Variants in SLC10A6 observed in about 807,000 individuals in gnomAD.
SLC10A6 encodes sodium-dependent organic anion transporter.
In SLC10A6, 27 loss-of-function variants were observed where a neutral mutation model predicts 30.0. That is an observed-to-expected ratio of 0.90 (90% confidence interval 0.66 to 1.24). The LOEUF is 1.24. SLC10A6 is among the 50% of genes most tolerant of loss of function. SLC10A6 has a pLI of 0.00. For synonymous variants in SLC10A6, 166 were observed against 173.8 expected, an observed-to-expected ratio of 0.95 and a Z score of 0.36; for missense variants, 439 against 457.0, an observed-to-expected ratio of 0.96 and a Z score of 0.36.
chr4:86,842,294 C>T (rs553816527), intron 1 of SLC10A6, among the ~76,000 whole-genome samples: 2 of 152,318 alleles, frequency 1.3e-5, no homozygotes, highest in African/African-American at 4.8e-5. Flanking sequence ...TCCACAGGCT[C>T]CAACACCACC....
At chr4:86,835,167 T>C (rs1470060520) in intron 1 of SLC10A6, among the ~76,000 whole-genome samples, 1 of 152,148 alleles carries the variant, frequency 6.6e-6, no homozygotes, top group Non-Finnish European at 1.5e-5. Flanking sequence ...AATAAATATC[T>C]GTCAGGAAGA....
intron 1 of SLC10A6, among the ~76,000 whole-genome samples, chr4:86,837,335 A>AGGCAGGC (rs1560460500): frequency 9.8e-5 from 11 of 112,134 alleles, no homozygotes; most frequent in African/African-American, 6.1e-4. Flanking sequence ...GGAAGGAAGG[A>AGGCAGGC]AGGAAGGAAG....
At chr4:86,832,359 C>G (rs1746093562) in intron 2 of SLC10A6, among the ~76,000 whole-genome samples, 2 of 152,110 alleles carry the variant, frequency 1.3e-5, no homozygotes, top group Non-Finnish European at 2.9e-5. Context: ...AATCCTAGCA[C>G]TTTGGGAGGC....
intron 1 of SLC10A6, among the ~76,000 whole-genome samples, chr4:86,841,146 A>G (rs1261379018): frequency 1.3e-5 from 2 of 152,200 alleles, no homozygotes; most frequent in Admixed American, 6.5e-5. Flanking sequence ...CCAGCACAAC[A>G]TTTCTCTACT....
intron 2 of SLC10A6, 152 bp from the exon 3 acceptor site, chr4:86,832,032 T>C: frequency 7.6e-6 from 5 of 658,758 alleles, no homozygotes; most frequent in Non-Finnish European, 1.3e-5. Context: ...CAATATTGGC[T>C]CCAAAGTTAT....
At chr4:86,824,245 T>C (rs1178346612) in intron 5 of SLC10A6, among the ~76,000 whole-genome samples, 1 of 152,208 alleles carries the variant, frequency 6.6e-6, no homozygotes, top group African/African-American at 2.4e-5. Context: ...TAGGACACTC[T>C]CCTGGGTTCT....
At chr4:86,845,531 C>T (rs1003481479) in intron 1 of SLC10A6, among the ~76,000 whole-genome samples, 5 of 152,176 alleles carry the variant, frequency 3.3e-5, no homozygotes, top group African/African-American at 1.2e-4. Context: ...AGAGAAGAGG[C>T]CCAAGGTCAG....
chr4:86,848,680 A>G, intron 1 of SLC10A6, 59 bp downstream of exon 1: 1 of 1,502,380 alleles, frequency 6.7e-7, no homozygotes, highest in Middle Eastern at 1.8e-4. Flanking sequence ...CAAGAGTTTC[A>G]GTTATTCCCC....
chr4:86,848,382 G>A (rs978383517), intron 1 of SLC10A6, among the ~76,000 whole-genome samples: 1 of 152,094 alleles, frequency 6.6e-6, no homozygotes, highest in Non-Finnish European at 1.5e-5. Context: ...AACCACAATC[G>A]TTAGCTTCTT....
At position 86,825,404 on chromosome 4, in the gene SLC10A6, A is replaced by G. The variant is rs763384905; in HGVS notation, c.919+16T>C. On this transcript the variant is annotated intron_variant, in intron 5 of 5. Transcript: ENST00000273905. ...TTTCCCGTCAGTTATTTCCTACCCAATGGGTGTTCACCCACCTGCAACAAT... is the reference window on the plus strand; with the variant it reads ...TTTCCCGTCAGTTATTTCCTACCCAGTGGGTGTTCACCCACCTGCAACAAT... 6.3e-7 allele frequency: 1 copy of G among 1,577,064 alleles called. No individual in the cohort carries two copies.
intron 1 of SLC10A6, among the ~76,000 whole-genome samples, chr4:86,844,147 C>T (rs1448176529): frequency 6.6e-6 from 1 of 152,126 alleles, no homozygotes; most frequent in Non-Finnish European, 1.5e-5. Flanking sequence ...CACTGCACTC[C>T]AGCCTGGGTG....
intron 1 of SLC10A6, among the ~76,000 whole-genome samples, chr4:86,842,822 CTT>C (rs1273037035): frequency 3.2e-5 from 1 of 30,922 alleles, no homozygotes; most frequent in East Asian, 5.7e-4. Context: ...TTCTTTCTTT[CTT>C]TCTTTCTTTC....
chr4:86,847,605 G>A (rs1746415097), intron 1 of SLC10A6, among the ~76,000 whole-genome samples: 1 of 151,942 alleles, frequency 6.6e-6, no homozygotes, highest in South Asian at 2.1e-4. Context: ...CACTGCCTTG[G>A]GAAAGTTAGT....
At chr4:86,825,676 G>A in intron 4 of SLC10A6, 99 bp from the exon 5 acceptor site, 1 of 1,257,022 alleles carries the variant, frequency 8.0e-7, no homozygotes. Flanking sequence ...TATGACCTCA[G>A]GCCACTGAAA....
chr4:86,843,204 C>T (rs1746336039), intron 1 of SLC10A6, among the ~76,000 whole-genome samples: 1 of 151,994 alleles, frequency 6.6e-6, no homozygotes, highest in South Asian at 2.1e-4. Context: ...TTGTAATACA[C>T]ACAGGCAATC....
rs575112240 is a variant in SLC10A6 at position 86,844,285 on chromosome 4, C to T, written c.377+4454G>A. Reference sequence around the variant, plus strand: ...AGTCAGTAAGTGATGGGTCTGCTTGCTGTTTCCAGAGCCCTTAACTACTAC... The same window carrying T: ...AGTCAGTAAGTGATGGGTCTGCTTGTTGTTTCCAGAGCCCTTAACTACTAC... On this transcript the variant is annotated intron_variant, in intron 1 of 5. Transcript: ENST00000273905. Among the ~76,000 whole-genome samples the T allele has an allele frequency of 5.3e-5, 8 of 152,312 alleles. No individual in the cohort carries two copies. The East Asian group carries it at 1.5e-3, about 29-fold the overall frequency.
In SLC10A6 at chr4:86,832,976, T is replaced by C. The variant is rs186080893; in HGVS notation, c.496+330A>G. Among the ~76,000 whole-genome samples, 159 of 152,270 alleles carry C rather than the reference T, an allele frequency of 1.0e-3. 1 individual carries two copies. Among genetic ancestry groups the C allele is most frequent in the Middle Eastern group, 6.8e-3 (2 of 294 alleles). ...AATTACATAAGGGTTTGATTCCTGC[T>C]TTTTCAAAGTAAATTATCTGGCTTT... On this transcript the variant is annotated intron_variant, in intron 2 of 5. Coordinates refer to ENST00000273905, the MANE Select transcript of SLC10A6 (RefSeq NM_197965.3).
intron 2 of SLC10A6, 103 bp from the exon 3 acceptor site, chr4:86,831,983 A>G: frequency 1.1e-6 from 1 of 910,898 alleles, no homozygotes; most frequent in Non-Finnish European, 1.7e-6. Context: ...TTAAACTGAC[A>G]TTTTCCCATG....
rs372515801 is a variant in SLC10A6 at position 86,825,385 on chromosome 4, G to A, written c.919+35C>T. Reference sequence around the variant, plus strand: ...GGTAAGTTGGGGTGAACAATTTCCCGTCAGTTATTTCCTACCCAATGGGTG... The same window carrying A: ...GGTAAGTTGGGGTGAACAATTTCCCATCAGTTATTTCCTACCCAATGGGTG... On this transcript the variant is annotated intron_variant, in intron 5 of 5. Coordinates refer to ENST00000273905, the MANE Select transcript of SLC10A6 (RefSeq NM_197965.3). The A allele has an allele frequency of 7.0e-5, 108 of 1,550,274 alleles. No individual in the cohort carries two copies. In the African/African-American group the frequency reaches 9.5e-4, roughly 14 times the overall value.
Sources: allele counts gnomAD v4.1 joint callset (sites outside exome capture counted in the v4.1 genomes callset), GRCh38; gene constraint gnomAD v4.1.1; transcripts MANE v1.5; gene names NCBI Gene and HGNC (gene_info 2026-07-23, HGNC 2026-07-21).